Variants in ZFR observed in about 807,000 individuals in gnomAD.
The protein encoded by ZFR is zinc finger RNA binding protein.
A neutral mutation model predicts 130.7 loss-of-function variants in ZFR; 19 were observed. That is an observed-to-expected ratio of 0.15 (90% confidence interval 0.10 to 0.21). The LOEUF is 0.21. Among genes scored for constraint, ZFR ranks in the 10% least tolerant of loss-of-function variants. The pLI is 1.00. For missense variants in ZFR, 872 were observed against 1,321.5 expected (o/e 0.66, Z 5.27); for synonymous variants, 466 against 456.9 (o/e 1.02, Z -0.25).
chr5:32,415,513 T>TGTGTGTGCGCGC (rs1554073605), intron 4 of ZFR, among the ~76,000 whole-genome samples: 1 of 92,250 alleles, frequency 1.1e-5, no homozygotes, highest in Non-Finnish European at 2.1e-5. Context: ...TGTGTGTGTG[T>TGTGTGTGCGCGC]GTGCGCGCGC....
chr5:32,385,706 C>T, intron 14 of ZFR, 57 bp from the exon 15 acceptor site: 5 of 1,588,372 alleles, frequency 3.1e-6, no homozygotes, highest in Non-Finnish European at 3.4e-6. Flanking sequence ...CAAACAAAAG[C>T]ACTTTCATTA....
chr5:32,419,860 T>C lies in ZFR; in HGVS notation c.381A>G (p.Ala127=). Residue 127 remains alanine, a synonymous_variant, in exon 3 of 20, where the codon GCA becomes GCG. Coordinates refer to ENST00000265069, the MANE Select transcript of ZFR (RefSeq NM_016107.5). ...DYGYTQRQQE[A]PPPPPPATTQ... is the part of the protein sequence containing the mutation. ...TAGTAGCTGGGGGTGGTGGTGGTGG[T>C]GCTTCTTGTTGCCTCTGAGTATAAC... is the stretch of plus-strand genomic sequence containing the variant. The C allele has an allele frequency of 6.2e-7, 1 of 1,607,626 alleles. No homozygotes were observed. Among genetic ancestry groups the C allele is most frequent in the Non-Finnish European group, 8.5e-7 (1 of 1,174,696 alleles).
intron 5 of ZFR, among the ~76,000 whole-genome samples, chr5:32,410,453 AC>A (rs1286465875): frequency 8.6e-5 from 13 of 151,976 alleles, no homozygotes; most frequent in Admixed American, 3.3e-4. Context: ...TACAAAAAAT[AC>A]AAAAATAAAA....
At chr5:32,360,482 C>T (rs1175781807) in intron 19 of ZFR, among the ~76,000 whole-genome samples, 1 of 152,148 alleles carries the variant, frequency 6.6e-6, no homozygotes, top group Non-Finnish European at 1.5e-5. Flanking sequence ...GGTTCATTCA[C>T]ATCATAGCAT....
intron 5 of ZFR, among the ~76,000 whole-genome samples, chr5:32,413,604 T>C (rs992613524): frequency 6.6e-6 from 1 of 152,064 alleles, no homozygotes; most frequent in Non-Finnish European, 1.5e-5. Context: ...GAAGCACATA[T>C]AAGAGAGAAA....
chr5:32,431,534 C>T (rs1050296000), intron 2 of ZFR, among the ~76,000 whole-genome samples: 13 of 152,150 alleles, frequency 8.5e-5, no homozygotes, highest in Non-Finnish European at 5.9e-5. Context: ...ATGTGCTTTT[C>T]GTACCTTAGA....
intron 15 of ZFR, among the ~76,000 whole-genome samples, chr5:32,381,976 G>C (rs1752944854): frequency 6.6e-6 from 1 of 152,022 alleles, no homozygotes; most frequent in Non-Finnish European, 1.5e-5. Flanking sequence ...AAAGAAAAGG[G>C]ACACAAGAGA....
At chr5:32,434,620 T>C (rs577111743) in intron 2 of ZFR, among the ~76,000 whole-genome samples, 5 of 152,236 alleles carry the variant, frequency 3.3e-5, no homozygotes, top group Non-Finnish European at 5.9e-5. Context: ...TTTCCAATTA[T>C]ATTAGTCTTT....
At chr5:32,424,161 G>A (rs187730793) in intron 2 of ZFR, among the ~76,000 whole-genome samples, 1 of 152,194 alleles carries the variant, frequency 6.6e-6, no homozygotes, top group African/African-American at 2.4e-5. Flanking sequence ...AAGCCTCTCA[G>A]AGAAAGATAT....
chr5:32,365,731 C>T (rs113614303), intron 17 of ZFR, among the ~76,000 whole-genome samples: 1,806 of 151,282 alleles, frequency 0.012, 34 homozygotes, highest in African/African-American at 0.042. Flanking sequence ...GTGGTCGTGC[C>T]GCTGTACGAC....
chr5:32,438,252 AATTTTTTTTTTTTT>A (rs1754385567), intron 2 of ZFR, among the ~76,000 whole-genome samples: 1 of 83,476 alleles, frequency 1.2e-5, no homozygotes, highest in Non-Finnish European at 2.4e-5. Flanking sequence ...TTTATCTGAA[AATTTTTTTTTTTTT>A]TTTTTTTTTT....
chr5:32,428,592 G>C (rs1290551292), intron 2 of ZFR, among the ~76,000 whole-genome samples: 1 of 152,160 alleles, frequency 6.6e-6, no homozygotes, highest in East Asian at 1.9e-4. Flanking sequence ...AACAATTATA[G>C]TACGTTTAGC....
At chr5:32,392,416 C>A (rs953397432) in intron 11 of ZFR, among the ~76,000 whole-genome samples, 1 of 152,092 alleles carries the variant, frequency 6.6e-6, no homozygotes, top group Non-Finnish European at 1.5e-5. Flanking sequence ...AAAACCAACA[C>A]ATACATAATA....
chr5:32,367,653 ATC>A lies in ZFR; in HGVS notation c.2836-3380_2836-3379del, dbSNP rs553231915. On this transcript the variant is annotated intron_variant, in intron 17 of 19. Transcript: ENST00000265069. ...GGTCTTGAACTCCTGGGCTCAAGTG[ATC>A]TTTCCATCTTCGTGTCCCAAAGTGA... 3.4e-4 allele frequency among the ~76,000 whole-genome samples: 52 copies of A among 152,104 alleles called. 1 individual carries two copies. The highest frequency in any genetic ancestry group is 1.2e-3 in the African/African-American group (50 of 41,512).
intron 17 of ZFR, among the ~76,000 whole-genome samples, chr5:32,376,992 T>TA (rs1184498540): frequency 2.2e-5 from 3 of 137,678 alleles, no homozygotes; most frequent in Non-Finnish European, 4.6e-5. Flanking sequence ...CTGTCTCTAC[T>TA]AAAAATACAA....
At chr5:32,384,059 C>A (rs1309467991) in intron 15 of ZFR, among the ~76,000 whole-genome samples, 1 of 152,148 alleles carries the variant, frequency 6.6e-6, no homozygotes, top group Admixed American at 6.5e-5. Context: ...ACACTATTCA[C>A]TTTAGACTTT....
chr5:32,370,089 ATTT>A (rs933446377), intron 17 of ZFR, among the ~76,000 whole-genome samples: 4 of 121,930 alleles, frequency 3.3e-5, no homozygotes, highest in Non-Finnish European at 3.4e-5. Context: ...ACAGTGGCAG[ATTT>A]TTTTTTTTTT....
At chr5:32,355,985 A>C in intron 19 of ZFR, 46 bp from the exon 20 acceptor site, 1 of 1,516,108 alleles carries the variant, frequency 6.6e-7, no homozygotes, top group Non-Finnish European at 8.9e-7. Flanking sequence ...AAAAACCCCA[A>C]GTAGTAATAC....
intron 2 of ZFR, among the ~76,000 whole-genome samples, chr5:32,433,138 T>C (rs1266678680): frequency 6.6e-6 from 1 of 152,224 alleles, no homozygotes; most frequent in Non-Finnish European, 1.5e-5. Context: ...AAATGTCGTA[T>C]GAAAATTGTT....
Sources: allele counts gnomAD v4.1 joint callset (sites outside exome capture counted in the v4.1 genomes callset), GRCh38; gene constraint gnomAD v4.1.1; transcripts MANE v1.5; gene names NCBI Gene and HGNC (gene_info 2026-07-23, HGNC 2026-07-21).